Variants in DCAF4 observed in about 807,000 individuals in gnomAD.
DCAF4 encodes DDB1- and CUL4-associated factor 4.
In DCAF4, 37 loss-of-function variants were observed where a neutral mutation model predicts 60.9. The ratio of observed to expected loss-of-function variants is 0.61; its 90% confidence interval spans 0.47 to 0.80. The LOEUF is 0.80. Ranked by LOEUF, DCAF4 falls within the 30% of genes least tolerant of loss-of-function variation. The probability of loss-of-function intolerance (pLI) is 0.00; values close to 1 mark genes in which losing one functional copy is unlikely to be tolerated. For missense variants in DCAF4, 577 were observed against 650.0 expected, an observed-to-expected ratio of 0.89 and a Z score of 1.22; for synonymous variants, 243 against 254.8, an observed-to-expected ratio of 0.95 and a Z score of 0.44.
At chr14:72,928,758 C>A (rs1888069841) in intron 1 of DCAF4, among the ~76,000 whole-genome samples, 1 of 152,054 alleles carries the variant, frequency 6.6e-6, no homozygotes, top group Non-Finnish European at 1.5e-5. Flanking sequence ...ACCCCGCGGC[C>A]CCAGGGTGCC....
At chr14:72,940,398 C>A in intron 4 of DCAF4, 21 bp downstream of exon 4, 1 of 1,592,550 alleles carries the variant, frequency 6.3e-7, no homozygotes, top group Non-Finnish European at 8.5e-7. Context: ...CACCCCTTCG[C>A]CCCCTGTCCT....
intron 8 of DCAF4, 77 bp downstream of exon 8, chr14:72,947,268 G>T (rs1890857400): frequency 6.5e-7 from 1 of 1,531,106 alleles, no homozygotes; most frequent in Non-Finnish European, 9.0e-7. Context: ...TGGGCTTCAT[G>T]ACATGGCATC....
At chr14:72,927,197 A>C (rs190282513) in intron 1 of DCAF4, among the ~76,000 whole-genome samples, 2 of 152,298 alleles carry the variant, frequency 1.3e-5, no homozygotes, top group Admixed American at 1.3e-4. Flanking sequence ...GCCTTTCACC[A>C]TGGTGTTCTA....
chr14:72,955,728 G>A (rs768527425), intron 12 of DCAF4, 32 bp downstream of exon 12: 5 of 1,591,426 alleles, frequency 3.1e-6, no homozygotes, highest in Non-Finnish European at 4.3e-6. Context: ...CAGGCCACAG[G>A]GTCTCGTGGC....
In DCAF4 at chr14:72,928,585, T is replaced by TTATATATA. The variant is rs57258334; in HGVS notation, c.-9+2067_-9+2074dup. On this transcript the variant is annotated intron_variant, in intron 1 of 13. Transcript: ENST00000358377. ...TACAGCATGGTGTAGTAAACATCCT[T>TTATATATA]TATATATATATATATATATATATAT... Among the ~76,000 whole-genome samples, 94 of 15,882 alleles carry TTATATATA rather than the reference T, an allele frequency of 5.9e-3. 1 individual carries two copies. Among genetic ancestry groups the TTATATATA allele is most frequent in the African/African-American group, 6.7e-3 (71 of 10,560 alleles). 10.4% of individuals were successfully genotyped at this position (15,882 alleles called of 152,430 possible). A position where few individuals can be genotyped will look rare whatever the true frequency, so the allele number is the denominator to read the frequency against.
Position 72,953,760 on chromosome 14 carries a change from T to A in DCAF4, c.809-404T>A, listed in dbSNP as rs1221254919. Among the ~76,000 whole-genome samples the A allele has an allele frequency of 2.4e-4, 14 of 57,898 alleles. 1 individual carries two copies. Among genetic ancestry groups the A allele is most frequent in the African/African-American group, 7.7e-4 (14 of 18,076 alleles). 38.0% of individuals were successfully genotyped at this position (57,898 alleles called of 152,430 possible). On this transcript the variant is annotated intron_variant, in intron 9 of 13. Coordinates refer to ENST00000358377, the MANE Select transcript of DCAF4 (RefSeq NM_015604.4). Reference sequence around the variant, plus strand: ...ATATATATATATATATATATATATATATAGTTTATTTATTTATTTATTTGT... The same window carrying A: ...ATATATATATATATATATATATATAAATAGTTTATTTATTTATTTATTTGT...
At chr14:72,933,860 T>G (rs959038694) in intron 1 of DCAF4, among the ~76,000 whole-genome samples, 2 of 152,176 alleles carry the variant, frequency 1.3e-5, no homozygotes, top group Non-Finnish European at 2.9e-5. Flanking sequence ...CCCATGAAAT[T>G]TGCTGCCTAA....
At chr14:72,945,246 A>G (rs1343638159) in intron 6 of DCAF4, among the ~76,000 whole-genome samples, 2 of 151,848 alleles carry the variant, frequency 1.3e-5, no homozygotes, top group Non-Finnish European at 2.9e-5. Flanking sequence ...ATATAAAAGT[A>G]GCCAGGCACA....
chr14:72,948,390 G>C (rs766891640), intron 8 of DCAF4, among the ~76,000 whole-genome samples: 1 of 152,078 alleles, frequency 6.6e-6, no homozygotes, highest in Non-Finnish European at 1.5e-5. Context: ...ATACATTAGC[G>C]ACCTGATTAT....
At chr14:72,927,053 T>A (rs989474539) in intron 1 of DCAF4, 1 of 152,422 alleles carries the variant, frequency 6.6e-6, no homozygotes, top group Admixed American at 6.5e-5. Flanking sequence ...AGGGGTGCAG[T>A]TTGGTTGTCC....
At chr14:72,955,914 CTTTTTTTTTT>C (rs71109770) in intron 12 of DCAF4, among the ~76,000 whole-genome samples, 1 of 54,768 alleles carries the variant, frequency 1.8e-5, no homozygotes, top group Non-Finnish European at 3.2e-5. Context: ...TGGTTATGTC[CTTTTTTTTTT>C]TTTTTTTTTT....
At chr14:72,935,534 C>T (rs761924009) in intron 1 of DCAF4, among the ~76,000 whole-genome samples, 69 of 152,332 alleles carry the variant, frequency 4.5e-4, no homozygotes, top group Non-Finnish European at 5.7e-4. Context: ...GGATTACAGG[C>T]GTGAGCCACC....
intron 5 of DCAF4, chr14:72,942,779 C>A (rs1890218691): frequency 1.8e-6 from 1 of 550,556 alleles, no homozygotes; most frequent in South Asian, 2.1e-5. Context: ...GCAAATGGGC[C>A]ACCCACTTCT....
At chr14:72,956,342 A>AC (rs1892294632) in intron 12 of DCAF4, 44 bp from the exon 13 acceptor site, 1 of 1,480,462 alleles carries the variant, frequency 6.8e-7, no homozygotes, top group Non-Finnish European at 9.1e-7. Flanking sequence ...CCACCATGGT[A>AC]CCCCCTGGCC....
At chr14:72,938,146 A>G (rs1415226145) in intron 2 of DCAF4, 76 bp downstream of exon 2, 1 of 1,501,866 alleles carries the variant, frequency 6.7e-7, no homozygotes, top group East Asian at 2.3e-5. Flanking sequence ...TCACACGATC[A>G]CAGGTGTGGA....
rs1253677418 is a variant in DCAF4 at position 72,959,236 on chromosome 14, G to A, written c.*431G>A. 2 of 989,344 alleles carry A rather than the reference G, an allele frequency of 2.0e-6. No homozygotes were observed. Among genetic ancestry groups the A allele is most frequent in the Non-Finnish European group, 2.4e-6 (2 of 832,634 alleles). 61.3% of individuals were successfully genotyped at this position (989,344 alleles called of 1,614,324 possible). On this transcript the variant is annotated 3_prime_UTR_variant, in exon 14 of 14. Coordinates refer to ENST00000358377, the MANE Select transcript of DCAF4 (RefSeq NM_015604.4). Reference sequence around the variant, plus strand: ...TAGCAGGAAGAAAGACCTGCATCCTGCATCTGTACTTGGGGAAGCCAGCGG... The same window carrying A: ...TAGCAGGAAGAAAGACCTGCATCCTACATCTGTACTTGGGGAAGCCAGCGG...
chr14:72,941,729 T>A lies in DCAF4; in HGVS notation c.352-16T>A. On this transcript the variant is annotated splice_polypyrimidine_tract_variant and intron_variant, in intron 4 of 13. Coordinates refer to ENST00000358377, the MANE Select transcript of DCAF4 (RefSeq NM_015604.4). Reference sequence around the variant, plus strand: ...AAATCTTCATTGAATTGTTCTCTTTTTTGTAATAAATATAGATTGCCAGGA... The same window carrying A: ...AAATCTTCATTGAATTGTTCTCTTTATTGTAATAAATATAGATTGCCAGGA... 1 of 1,610,518 alleles carries A rather than the reference T, an allele frequency of 6.2e-7. No individual in the cohort carries two copies. The highest frequency in any genetic ancestry group is 1.3e-5 in the African/African-American group (1 of 74,954).
At chr14:72,951,356 A>G (rs944958306) in intron 8 of DCAF4, among the ~76,000 whole-genome samples, 5 of 152,142 alleles carry the variant, frequency 3.3e-5, no homozygotes, top group Admixed American at 2.6e-4. Context: ...TCACCCCTAT[A>G]ATCCCAGCAC....
intron 8 of DCAF4, 116 bp downstream of exon 8, chr14:72,947,307 C>A (rs1594776328): frequency 8.5e-7 from 1 of 1,176,350 alleles, no homozygotes; most frequent in East Asian, 2.3e-5. Flanking sequence ...GACCCTTGTG[C>A]ACTTACATCT....
Sources: gnomAD v4.1 joint callset for allele counts (sites outside exome capture counted in the v4.1 genomes callset) on GRCh38, gnomAD v4.1.1 for gene constraint, MANE v1.5 for transcripts, NCBI Gene and HGNC (gene_info 2026-07-23, HGNC 2026-07-21) for gene names.